The following MUC17 variants were observed in gnomAD, a reference collection of about 807,000 sequenced individuals.
The protein encoded by MUC17 is mucin 17, cell surface associated.
A neutral mutation model predicts 170.3 loss-of-function variants in MUC17; 190 were observed. The observed-to-expected ratio is 1.12, with a 90% CI of 0.99 to 1.26. The LOEUF is 1.26. MUC17 is among the 50% of genes most tolerant of loss of function. The pLI, the probability that MUC17 is intolerant of heterozygous loss-of-function variation, is 0.00. For missense variants in MUC17, 6,415 were observed against 5,530.0 expected (o/e 1.16, Z -5.08); for synonymous variants, 2,325 against 2,002.5 (o/e 1.16, Z -4.30).
intron 9 of MUC17, 92 bp downstream of exon 9, chr7:101,052,054 A>G (rs1794958507): frequency 6.9e-7 from 1 of 1,451,652 alleles, no homozygotes; most frequent in African/African-American, 1.4e-5. Flanking sequence ...CCTGGAGACC[A>G]AGGTCATGGG....
Position 101,040,313 on chromosome 7 carries a change from GT to G in MUC17, c.8899del (p.Ser2967LeufsTer23), listed in dbSNP as rs769879990. Reference sequence around the variant, plus strand: ...CCTGTCACCACTTCTGCTGAAGCTAGTTCTTCTCCTACAACTGCTGAAGGTA... The same window carrying G: ...CCTGTCACCACTTCTGCTGAAGCTAGTCTTCTCCTACAACTGCTGAAGGTA... ...RTPVTTSAEA[S>X]SSPTTAEGTS... On this transcript the variant is annotated frameshift_variant, in exon 3 of 13. Coordinates refer to ENST00000306151, the MANE Select transcript of MUC17 (RefSeq NM_001040105.2). LOFTEE classifies it high-confidence loss of function. 5 of 1,612,344 alleles carry G rather than the reference GT, an allele frequency of 3.1e-6. No homozygotes were observed. The East Asian group carries it at 1.1e-4, about 36-fold the overall frequency.
chr7:101,053,637 G>C (rs968058786), intron 11 of MUC17: 20 of 465,328 alleles, frequency 4.3e-5, no homozygotes, highest in Non-Finnish European at 7.3e-5. Context: ...AATAAAAAAG[G>C]GAGGCTGAGG....
At chr7:101,044,721 T>G (rs1266913808) in intron 3 of MUC17, among the ~76,000 whole-genome samples, 2 of 152,248 alleles carry the variant, frequency 1.3e-5, no homozygotes, top group Non-Finnish European at 2.9e-5. Flanking sequence ...TTGTTTTCTT[T>G]TAAACTTTTT....
rs1334115201 is a variant in MUC17, at chr7:101,040,925, C to T, written c.9509C>T (p.Pro3170Leu). The part of the protein sequence containing the change: ...SEGSTPLTYM[P>L]VSTMLVVSSE... ...GGAAGTACTCCATTAACATATATGC[C>T]TGTCAGCACCATGCTGGTAGTCAGT... The change falls in exon 3 of 13, where the codon CCT becomes CTT. Residue 3170 changes from proline (P) to leucine (L), a missense_variant. Physicochemically the swap from Pro to Leu is moderately conservative, Grantham distance 98. Coordinates refer to ENST00000306151, the MANE Select transcript of MUC17 (RefSeq NM_001040105.2). 5 of 1,613,646 alleles carry T rather than the reference C, an allele frequency of 3.1e-6. No homozygotes were observed. The highest frequency in any genetic ancestry group is 4.2e-6 in the Non-Finnish European group (5 of 1,179,930).
chr7:101,032,788 C>A lies in MUC17; in HGVS notation c.1372C>A (p.Pro458Thr). ...SEGSTPLTSM[P>T]VSTTPVASSE... ...AGGAAGCACTCCATTAACAAGTATG[C>A]CTGTCAGCACCACTCCAGTGGCCAG... The change falls in exon 3 of 13, where the codon CCT (proline) becomes ACT (threonine). Residue 458 changes from proline to threonine, a missense_variant. Transcript: ENST00000306151. 1 of 1,613,510 alleles carries A rather than the reference C, an allele frequency of 6.2e-7. No individual in the cohort carries two copies.
Position 101,041,311 on chromosome 7 carries a change from A to G in MUC17, c.9895A>G (p.Ser3299Gly), listed in dbSNP as rs1301395849. ...STTTVASSET[S>G]TLSTTPADTS... ...CACAACGGTGGCCAGTTCTGAAACG[A>G]GCACCCTTTCAACAACTCCTGCTGA... The change falls in exon 3 of 13, where the codon AGC becomes GGC. Residue 3299 changes from serine to glycine, a missense_variant. Physicochemically the swap from Ser to Gly is moderately conservative, Grantham distance 56. Transcript: ENST00000306151. 6.2e-7 allele frequency: 1 copy of G among 1,610,788 alleles called. No individual in the cohort carries two copies. The highest frequency in any genetic ancestry group is 8.5e-7 in the Non-Finnish European group (1 of 1,178,092).
rs199776258 is a variant in MUC17, at chr7:101,031,894, A to G, written c.478A>G (p.Thr160Ala). 8.1e-6 allele frequency: 13 copies of G among 1,614,168 alleles called. No individual in the cohort carries two copies. The East Asian group carries it at 8.9e-5, about 11-fold the overall frequency. The change falls in exon 3 of 13, where the codon ACA (threonine) becomes GCA (alanine). Residue 160 changes from threonine (T) to alanine (A), a missense_variant. Thr to Ala is a moderately conservative substitution (Grantham distance 58, BLOSUM62 0). Transcript: ENST00000306151. ...ACCAAGTGAAGAAAGCATTTCATCAACAATGGCTTTTGTCAGCACTGCACC... is the reference window on the plus strand; with the variant it reads ...ACCAAGTGAAGAAAGCATTTCATCAGCAATGGCTTTTGTCAGCACTGCACC... ...STPSEESISSTMAFVSTAPLP... is the reference protein window; with the variant it reads ...STPSEESISSAMAFVSTAPLP...
At chr7:101,028,981 A>T (rs1794229923) in intron 1 of MUC17, among the ~76,000 whole-genome samples, 3 of 152,132 alleles carry the variant, frequency 2.0e-5, no homozygotes, top group Non-Finnish European at 4.4e-5. Flanking sequence ...TGAGGTCGGG[A>T]GTTCGAGACC....
chr7:101,028,190 A>G (rs528253702), intron 1 of MUC17, among the ~76,000 whole-genome samples: 30 of 149,412 alleles, frequency 2.0e-4, no homozygotes, highest in Non-Finnish European at 3.1e-4. Flanking sequence ...CTCCCAGTTC[A>G]AGTGATTCTT....
chr7:101,048,270 C>A (rs751167996), intron 4 of MUC17, 155 bp downstream of exon 4: 3 of 703,744 alleles, frequency 4.3e-6, no homozygotes, highest in Non-Finnish European at 6.2e-6. Context: ...TTGTTTCCAC[C>A]CAGTGCTATG....
chr7:101,045,487 G>A (rs1232555585), intron 3 of MUC17, among the ~76,000 whole-genome samples: 4 of 151,442 alleles, frequency 2.6e-5, no homozygotes, highest in South Asian at 2.1e-4. Flanking sequence ...TCCACCTCCC[G>A]GGTTCAAGTG....
chr7:101,038,199 T>C lies in MUC17; in HGVS notation c.6783T>C (p.Pro2261=). 6.2e-7 allele frequency: 1 copy of C among 1,613,958 alleles called. No homozygotes were observed. Among genetic ancestry groups the C allele is most frequent in the Non-Finnish European group, 8.5e-7 (1 of 1,179,992 alleles). The change falls in exon 3 of 13, where the codon CCT becomes CCC. Residue 2261 remains proline (P), a synonymous_variant. Coordinates refer to ENST00000306151, the MANE Select transcript of MUC17 (RefSeq NM_001040105.2). The part of the protein sequence containing the change: ...VTTSTEATSS[P]TTAEGTSIPT... ...CTTCTACTGAAGCCACTTCATCTCC[T>C]ACAACTGCTGAAGGTACCAGCATAC...
In MUC17 at chr7:101,022,889, A is replaced by T. The variant is rs554817411; in HGVS notation, c.82+2672A>T. Among the ~76,000 whole-genome samples, 3 of 152,226 alleles carry T rather than the reference A, an allele frequency of 2.0e-5. No individual in the cohort carries two copies. The South Asian group carries it at 6.2e-4, about 32-fold the overall frequency. On this transcript the variant is annotated intron_variant, in intron 1 of 12. Coordinates refer to ENST00000306151, the MANE Select transcript of MUC17 (RefSeq NM_001040105.2). ...ATCTGCACTAACTCTCCTTGCCTCA[A>T]ACCCACCCCTGCAACCACAGGGGAC...
rs1794040126 is a variant in MUC17 at position 101,020,096 on chromosome 7, T to C, written c.-40T>C. 6.5e-7 allele frequency: 1 copy of C among 1,550,034 alleles called. No homozygotes were observed. The highest frequency in any genetic ancestry group is 1.9e-5 in the Admixed American group (1 of 52,362). ...CTCTGAGGCTCATTTCGCCAGCTCCTCTGGGGGTGACAGGCAAGTGAGACG... is the reference window on the plus strand; with the variant it reads ...CTCTGAGGCTCATTTCGCCAGCTCCCCTGGGGGTGACAGGCAAGTGAGACG... On this transcript the variant is annotated 5_prime_UTR_variant, in exon 1 of 13. Coordinates refer to ENST00000306151, the MANE Select transcript of MUC17 (RefSeq NM_001040105.2).
chr7:101,052,668 C>A (rs537609285), intron 9 of MUC17, among the ~76,000 whole-genome samples: 27 of 152,182 alleles, frequency 1.8e-4, no homozygotes, highest in Non-Finnish European at 2.5e-4. Context: ...TGGGTGGATG[C>A]AAGATCACTG....
chr7:101,050,494 G>A lies in MUC17; in HGVS notation c.12733G>A (p.Val4245Met). The change falls in exon 7 of 13, where the codon GTG becomes ATG. Residue 4245 changes from valine (V) to methionine (M), a missense_variant. Physicochemically the swap from Val to Met is conservative, Grantham distance 21. Coordinates refer to ENST00000306151, the MANE Select transcript of MUC17 (RefSeq NM_001040105.2). ...CCCTTCCCTCTTCAGTCTTGGCAGT[G>A]TGGTGGTGGAGCATGACGTCCTCCT... ...VNITKLRLGS[V>M]VVEHDVLLRT... 1 of 1,613,778 alleles carries A rather than the reference G, an allele frequency of 6.2e-7. No homozygotes were observed. The highest frequency in any genetic ancestry group is 8.5e-7 in the Non-Finnish European group (1 of 1,179,796).
intron 6 of MUC17, among the ~76,000 whole-genome samples, chr7:101,050,049 T>C (rs974886240): frequency 6.6e-5 from 10 of 152,194 alleles, no homozygotes; most frequent in African/African-American, 2.2e-4. Flanking sequence ...GAGGATCACG[T>C]GAGCCCAGGA....
rs906924918 is a variant in MUC17, at chr7:101,032,727, T to G, written c.1311T>G (p.Ala437=). 1 of 1,578,320 alleles carries G rather than the reference T, an allele frequency of 6.3e-7. No homozygotes were observed. The highest frequency in any genetic ancestry group is 2.3e-5 in the East Asian group (1 of 42,610). The change falls in exon 3 of 13, where the codon GCT becomes GCG. Residue 437 remains alanine, a synonymous_variant. Coordinates refer to ENST00000306151, the MANE Select transcript of MUC17 (RefSeq NM_001040105.2). ...AAGCCAGCTCATCTCCCACAACTGCTGAAGATACCAGCATTGCAACCTCAA... is the reference window on the plus strand; with the variant it reads ...AAGCCAGCTCATCTCCCACAACTGCGGAAGATACCAGCATTGCAACCTCAA... ...ASEASSSPTT[A]EDTSIATSTP...
Position 101,038,318 on chromosome 7 carries a change from C to A in MUC17, c.6902C>A (p.Thr2301Lys). ...VANSEVSTLS[T>K]TPVDSNTPFT... ...AATTCTGAGGTTAGCACCCTTTCAA[C>A]AACTCCTGTTGACTCCAACACTCCT... The change falls in exon 3 of 13, where the codon ACA (threonine) becomes AAA (lysine). Residue 2301 changes from threonine to lysine, a missense_variant. Coordinates refer to ENST00000306151, the MANE Select transcript of MUC17 (RefSeq NM_001040105.2). 1 of 1,613,538 alleles carries A rather than the reference C, an allele frequency of 6.2e-7. No homozygotes were observed. Among genetic ancestry groups the A allele is most frequent in the Non-Finnish European group, 8.5e-7 (1 of 1,179,666 alleles).
Sources: allele counts gnomAD v4.1 joint callset (sites outside exome capture counted in the v4.1 genomes callset), GRCh38; gene constraint gnomAD v4.1.1; transcripts MANE v1.5; gene names NCBI Gene and HGNC (gene_info 2026-07-23, HGNC 2026-07-21).